Variants in PLCB1 observed in about 807,000 individuals in gnomAD.
PLCB1 encodes the protein phospholipase C beta 1.
PLCB1 carries 46 observed loss-of-function variants against 161.8 expected under a neutral mutation model. The observed-to-expected ratio is 0.28, with a 90% confidence interval of 0.22 to 0.36. PLCB1 has a LOEUF of 0.36. Ranked by LOEUF, PLCB1 falls within the 10% of genes least tolerant of loss-of-function variation. The pLI, the probability that PLCB1 is intolerant of heterozygous loss-of-function variation, is 1.00. For synonymous variants in PLCB1, 517 were observed against 503.7 expected (o/e 1.03, Z -0.35); for missense variants, 1,016 against 1,472.5 (o/e 0.69, Z 5.07).
chr20:8,142,445 G>A (rs1180570461), intron 1 of PLCB1, among the ~76,000 whole-genome samples: 2 of 152,228 alleles, frequency 1.3e-5, no homozygotes, highest in African/African-American at 2.4e-5. Context: ...AGAGCTCACT[G>A]CTGTTACAGT....
intron 2 of PLCB1, among the ~76,000 whole-genome samples, chr20:8,301,649 A>T (rs1028567687): frequency 1.3e-5 from 2 of 152,114 alleles, no homozygotes; most frequent in Non-Finnish European, 1.5e-5. Flanking sequence ...TGCTGTTTCT[A>T]CCGTCTGGAA....
intron 2 of PLCB1, among the ~76,000 whole-genome samples, chr20:8,182,872 T>G (rs538201849): frequency 6.6e-6 from 1 of 152,260 alleles, no homozygotes; most frequent in South Asian, 2.1e-4. Flanking sequence ...TGAGCCACCG[T>G]GCCTGGCTGC....
At chr20:8,201,148 T>C (rs899567352) in intron 2 of PLCB1, among the ~76,000 whole-genome samples, 15 of 152,130 alleles carry the variant, frequency 9.9e-5, no homozygotes, top group Non-Finnish European at 4.4e-5. Context: ...AATTGTCTTA[T>C]TTATTTGGGT....
intron 3 of PLCB1, among the ~76,000 whole-genome samples, chr20:8,500,987 A>G (rs1280865077): frequency 6.6e-6 from 1 of 152,192 alleles, no homozygotes; most frequent in Admixed American, 6.5e-5. Context: ...TTGTATTCAT[A>G]CTTGCATTTA....
intron 3 of PLCB1, among the ~76,000 whole-genome samples, chr20:8,473,162 A>G (rs1440035350): frequency 2.0e-5 from 3 of 152,206 alleles, no homozygotes; most frequent in Admixed American, 2.0e-4. Context: ...CCAACCACAT[A>G]TGCTCAAGAA....
intron 2 of PLCB1, among the ~76,000 whole-genome samples, chr20:8,159,542 C>T (rs552225472): frequency 1.8e-4 from 27 of 152,242 alleles, no homozygotes; most frequent in African/African-American, 4.8e-4. Flanking sequence ...TTTCTGCAGC[C>T]GGCTTGAACT....
At chr20:8,710,050 A>G (rs73080045) in intron 12 of PLCB1, among the ~76,000 whole-genome samples, 11,766 of 152,250 alleles carry the variant, frequency 0.077, 503 homozygotes, top group African/African-American at 0.11. Flanking sequence ...GTATGAGTCC[A>G]TTCTTGTACT....
At chr20:8,453,141 A>G (rs1014857322) in intron 3 of PLCB1, among the ~76,000 whole-genome samples, 1 of 152,172 alleles carries the variant, frequency 6.6e-6, no homozygotes, top group Non-Finnish European at 1.5e-5. Context: ...CCTTCCTAAC[A>G]TGCTCATTCC....
intron 23 of PLCB1, among the ~76,000 whole-genome samples, chr20:8,745,369 A>G (rs1343843001): frequency 6.6e-6 from 1 of 152,200 alleles, no homozygotes; most frequent in Non-Finnish European, 1.5e-5. Flanking sequence ...TTTTAGCAGC[A>G]AAGACTTTTT....
chr20:8,145,806 G>A (rs141745771), intron 1 of PLCB1, among the ~76,000 whole-genome samples: 47 of 152,266 alleles, frequency 3.1e-4, no homozygotes, highest in African/African-American at 8.4e-4. Context: ...GAATTAATAC[G>A]AATACTATAT....
At chr20:8,668,399 G>A (rs114349015) in intron 9 of PLCB1, among the ~76,000 whole-genome samples, 3,303 of 152,228 alleles carry the variant, frequency 0.022, 124 homozygotes, top group African/African-American at 0.074. Context: ...TTTAACAGGA[G>A]AGTTAATTGA....
chr20:8,579,005 T>C (rs1986756244), intron 3 of PLCB1, among the ~76,000 whole-genome samples: 1 of 152,236 alleles, frequency 6.6e-6, no homozygotes, highest in South Asian at 2.1e-4. Flanking sequence ...AATATTAATC[T>C]TGTTTGTTTT....
intron 2 of PLCB1, among the ~76,000 whole-genome samples, chr20:8,209,188 G>C (rs138505715): frequency 6.6e-6 from 1 of 150,558 alleles, no homozygotes; most frequent in Non-Finnish European, 1.5e-5. Context: ...CAGAAGAAAA[G>C]AAACTGTTTT....
At chr20:8,186,556 C>T (rs1326063974) in intron 2 of PLCB1, among the ~76,000 whole-genome samples, 1 of 152,146 alleles carries the variant, frequency 6.6e-6, no homozygotes, top group African/African-American at 2.4e-5. Context: ...TTGCAAATCT[C>T]TGTGAGTTTG....
At chr20:8,385,551 C>A (rs142177424) in intron 3 of PLCB1, among the ~76,000 whole-genome samples, 134 of 152,362 alleles carry the variant, frequency 8.8e-4, no homozygotes, top group African/African-American at 3.2e-3. Context: ...GGTGGCCCCT[C>A]CCCCTGGGAA....
At chr20:8,673,613 G>A (rs1990002579) in intron 9 of PLCB1, among the ~76,000 whole-genome samples, 4 of 152,134 alleles carry the variant, frequency 2.6e-5, no homozygotes, top group South Asian at 2.1e-4. Context: ...GCATTTCTTC[G>A]ATGTTTTCTT....
At chr20:8,468,507 C>A (rs776595510) in intron 3 of PLCB1, among the ~76,000 whole-genome samples, 1 of 152,044 alleles carries the variant, frequency 6.6e-6, no homozygotes, top group African/African-American at 2.4e-5. Flanking sequence ...TACATTTTTA[C>A]TTTTTGTATA....
chr20:8,277,017 T>TTATTATTAGAGATG (rs1982613347), intron 2 of PLCB1, among the ~76,000 whole-genome samples: 1 of 126,750 alleles, frequency 7.9e-6, no homozygotes, highest in Non-Finnish European at 1.7e-5. Flanking sequence ...ATTATTATTG[T>TTATTATTAGAGATG]TAGAGATGGA....
intron 31 of PLCB1, among the ~76,000 whole-genome samples, chr20:8,803,289 G>T (rs1475831402): frequency 6.6e-6 from 1 of 151,998 alleles, no homozygotes; most frequent in East Asian, 1.9e-4. Context: ...TGCTGCCACA[G>T]TTCCAGGGAG....
Sources: allele counts gnomAD v4.1 joint callset (sites outside exome capture counted in the v4.1 genomes callset), GRCh38; gene constraint gnomAD v4.1.1; transcripts MANE v1.5; gene names NCBI Gene and HGNC (gene_info 2026-07-23, HGNC 2026-07-21).